The following RALYL variants were observed in gnomAD, a reference collection of about 807,000 sequenced individuals.
The protein encoded by RALYL is RNA-binding Raly-like protein.
Under a neutral mutation model 35.1 loss-of-function variants are expected in RALYL, and 29 were observed. The ratio of observed to expected loss-of-function variants is 0.83; its 90% CI spans 0.61 to 1.13. The LOEUF (loss-of-function observed/expected upper bound fraction) is 1.13, where lower values mean the gene tolerates loss of function less well. Among genes scored for constraint, RALYL ranks in the 50% most tolerant of loss-of-function variants. The pLI is 0.00. For synonymous variants in RALYL, 120 were observed against 127.6 expected (o/e 0.94, Z 0.40); for missense variants, 359 against 360.4 (o/e 1.00, Z 0.03).
At chr8:84,557,482 T>A (rs903551222) in intron 2 of RALYL, among the ~76,000 whole-genome samples, 1 of 152,212 alleles carries the variant, frequency 6.6e-6, no homozygotes, top group Non-Finnish European at 1.5e-5. Flanking sequence ...TTCTTTTATA[T>A]CATTGATTAC....
At chr8:84,857,036 GAA>G (rs36119108) in intron 5 of RALYL, among the ~76,000 whole-genome samples, 23,778 of 90,728 alleles carry the variant, frequency 0.26, 1,197 homozygotes, top group East Asian at 0.49. Flanking sequence ...CTCCGTCTCA[GAA>G]AAAAAAAAAA....
At chr8:84,445,131 C>T (rs1410442282) in intron 1 of RALYL, among the ~76,000 whole-genome samples, 1 of 152,016 alleles carries the variant, frequency 6.6e-6, no homozygotes, top group Admixed American at 6.6e-5. Context: ...CACATTAATT[C>T]TCACAACCAT....
chr8:84,751,127 C>G, intron 2 of RALYL, among the ~76,000 whole-genome samples: 1 of 152,154 alleles, frequency 6.6e-6, no homozygotes, highest in Non-Finnish European at 1.5e-5. Flanking sequence ...TTAGCAGGCT[C>G]CCTTGACAAG....
intron 2 of RALYL, among the ~76,000 whole-genome samples, chr8:84,680,539 T>A (rs1835228158): frequency 6.6e-6 from 1 of 152,198 alleles, no homozygotes; most frequent in African/African-American, 2.4e-5. Context: ...ATGACTGCCA[T>A]TCTAACTGGT....
intron 6 of RALYL, among the ~76,000 whole-genome samples, chr8:84,871,861 T>C (rs1030935284): frequency 6.6e-6 from 1 of 152,220 alleles, no homozygotes; most frequent in African/African-American, 2.4e-5. Context: ...ATCCATAACA[T>C]ATCATGTATA....
At chr8:84,909,464 A>G (rs1294773286) in intron 8 of RALYL, among the ~76,000 whole-genome samples, 1 of 152,218 alleles carries the variant, frequency 6.6e-6, no homozygotes, top group Admixed American at 6.6e-5. Flanking sequence ...TTCTATTTAT[A>G]TAACACAGAA....
intron 8 of RALYL, among the ~76,000 whole-genome samples, chr8:84,916,412 C>T (rs2135747268): frequency 6.6e-6 from 1 of 151,738 alleles, no homozygotes; most frequent in Middle Eastern, 3.4e-3. Flanking sequence ...ATCTTGAATG[C>T]CCAAGTATTG....
Position 84,777,014 on chromosome 8 carries a change from T to G in RALYL, c.332+2360T>G, listed in dbSNP as rs538707291. Among the ~76,000 whole-genome samples the G allele has an allele frequency of 2.0e-5, 3 of 152,324 alleles. No homozygotes were observed. In the South Asian group the frequency reaches 6.2e-4, roughly 32 times the overall value. On this transcript the variant is annotated intron_variant, in intron 3 of 8. Transcript: ENST00000521268. ...TGAGGAAGCCCTTTTATACACATTT[T>G]CTCATTCTCACGTAAGCTTAAGAAA... is the stretch of plus-strand genomic sequence containing the variant.
intron 2 of RALYL, among the ~76,000 whole-genome samples, chr8:84,659,980 T>G (rs1311737377): frequency 6.6e-6 from 1 of 152,132 alleles, no homozygotes; most frequent in Non-Finnish European, 1.5e-5. Context: ...TTAAGTATAT[T>G]ATTCTGATTT....
chr8:84,591,072 G>A (rs182717804), intron 2 of RALYL, among the ~76,000 whole-genome samples: 1 of 152,200 alleles, frequency 6.6e-6, no homozygotes, highest in East Asian at 1.9e-4. Context: ...CATGCCGAAA[G>A]CATTTGAGTG....
chr8:84,381,418 T>C lies in RALYL; in HGVS notation c.-23-147881T>C, dbSNP rs192589966. Among the ~76,000 whole-genome samples the C allele has an allele frequency of 3.9e-5, 6 of 151,998 alleles. No homozygotes were observed. In the East Asian group the frequency reaches 1.2e-3, roughly 30 times the overall value. On this transcript the variant is annotated intron_variant, in intron 1 of 8. Transcript: ENST00000521268. ...AAAAGGGGTCCTTCTTAACACTAAC[T>C]CTTCCACCTGTTCTTTCAGTTTCTC... is the stretch of plus-strand genomic sequence containing the variant.
chr8:84,537,386 C>T (rs1327057902), intron 2 of RALYL, among the ~76,000 whole-genome samples: 1 of 151,406 alleles, frequency 6.6e-6, no homozygotes, highest in Admixed American at 6.6e-5. Flanking sequence ...GGGAGAATCA[C>T]CTGAGCCCGG....
chr8:84,841,765 T>C (rs1275887070), intron 4 of RALYL, among the ~76,000 whole-genome samples: 1 of 152,208 alleles, frequency 6.6e-6, no homozygotes, highest in Non-Finnish European at 1.5e-5. Flanking sequence ...TACAACAAAC[T>C]ATCTCTCAGA....
chr8:84,902,583 C>T (rs1043466037), intron 8 of RALYL, among the ~76,000 whole-genome samples: 2 of 152,118 alleles, frequency 1.3e-5, no homozygotes, highest in African/African-American at 4.8e-5. Context: ...ACAGATTCAC[C>T]AGGCCTCCAA....
intron 1 of RALYL, among the ~76,000 whole-genome samples, chr8:84,358,937 GTACTT>G (rs1484984984): frequency 6.6e-6 from 1 of 151,956 alleles, no homozygotes; most frequent in Non-Finnish European, 1.5e-5. Context: ...AAATTGCTGA[GTACTT>G]TACGCATTAG....
chr8:84,448,187 C>G (rs2049055043), intron 1 of RALYL, among the ~76,000 whole-genome samples: 1 of 151,958 alleles, frequency 6.6e-6, no homozygotes, highest in Non-Finnish European at 1.5e-5. Flanking sequence ...CAACCACCCT[C>G]CAGCCCACCC....
At chr8:84,731,629 C>A (rs1392134602) in intron 2 of RALYL, among the ~76,000 whole-genome samples, 5 of 152,108 alleles carry the variant, frequency 3.3e-5, no homozygotes, top group African/African-American at 1.2e-4. Context: ...ACTGCAGTTG[C>A]CTTCTAAATG....
At chr8:84,475,026 C>T (rs948581259) in intron 1 of RALYL, among the ~76,000 whole-genome samples, 2 of 151,934 alleles carry the variant, frequency 1.3e-5, no homozygotes, top group African/African-American at 4.8e-5. Context: ...TTGTCATTTA[C>T]ATTAGGTATT....
intron 8 of RALYL, among the ~76,000 whole-genome samples, chr8:84,893,466 A>T (rs1019528647): frequency 1.3e-5 from 2 of 152,334 alleles, no homozygotes; most frequent in Middle Eastern, 3.4e-3. Flanking sequence ...GCCATAATGG[A>T]AATACTATAG....
Sources: allele counts gnomAD v4.1 joint callset (sites outside exome capture counted in the v4.1 genomes callset), GRCh38; gene constraint gnomAD v4.1.1; transcripts MANE v1.5; gene names NCBI Gene and HGNC (gene_info 2026-07-23, HGNC 2026-07-21).